GOPC: variants seen among roughly 807,000 people sequenced by gnomAD.
The protein encoded by GOPC is golgi associated PDZ and coiled-coil motif containing.
In GOPC, 32 loss-of-function variants were observed where a neutral mutation model predicts 51.2. The observed-to-expected ratio is 0.63, with a 90% CI of 0.47 to 0.84. The LOEUF is 0.84. Among genes scored for constraint, GOPC ranks in the 40% least tolerant of loss-of-function variants. The pLI is 0.00. For synonymous variants in GOPC, 190 were observed against 205.1 expected (o/e 0.93, Z 0.63); for missense variants, 441 against 555.5 (o/e 0.79, Z 2.07).
At chr6:117,581,078 A>G (rs567854045) in intron 1 of GOPC, among the ~76,000 whole-genome samples, 2 of 152,328 alleles carry the variant, frequency 1.3e-5, no homozygotes, top group South Asian at 4.1e-4. Context: ...TTTTGTGTCA[A>G]CCATGATATA....
chr6:117,594,132 T>C (rs915162226), intron 1 of GOPC, among the ~76,000 whole-genome samples: 1 of 152,226 alleles, frequency 6.6e-6, no homozygotes, highest in African/African-American at 2.4e-5. Context: ...TAAAGTCATG[T>C]AGAAATAGTC....
At chr6:117,598,485 C>T (rs996238346) in intron 1 of GOPC, among the ~76,000 whole-genome samples, 2 of 152,162 alleles carry the variant, frequency 1.3e-5, no homozygotes, top group Non-Finnish European at 2.9e-5. Flanking sequence ...CAGCGGTCAC[C>T]AATGTTTTTG....
intron 1 of GOPC, among the ~76,000 whole-genome samples, chr6:117,587,195 A>G (rs1780045342): frequency 6.6e-6 from 1 of 152,172 alleles, no homozygotes; most frequent in Admixed American, 6.5e-5. Flanking sequence ...TTTTCCATCC[A>G]ACCATAATGA....
chr6:117,563,533 A>G (rs1779630553), intron 8 of GOPC, 149 bp from the exon 9 acceptor site: 4 of 669,874 alleles, frequency 6.0e-6, no homozygotes, highest in Non-Finnish European at 1.0e-5. Flanking sequence ...ACCAGCCTGG[A>G]CAATGTGGTG....
chr6:117,584,762 A>C (rs1780006477), intron 1 of GOPC, among the ~76,000 whole-genome samples: 1 of 151,902 alleles, frequency 6.6e-6, no homozygotes, highest in Admixed American at 6.6e-5. Context: ...GTGAGAAGTG[A>C]CTGGATGGAT....
intron 8 of GOPC, among the ~76,000 whole-genome samples, chr6:117,565,748 T>C (rs1023807329): frequency 6.6e-6 from 1 of 152,210 alleles, no homozygotes; most frequent in Non-Finnish European, 1.5e-5. Context: ...ATATTATCAG[T>C]TGTCTTTCCT....
chr6:117,585,088 G>C (rs1297119897), intron 1 of GOPC, among the ~76,000 whole-genome samples: 1 of 152,092 alleles, frequency 6.6e-6, no homozygotes, highest in Non-Finnish European at 1.5e-5. Context: ...ATTAACATAA[G>C]AGGCATAACT....
chr6:117,593,596 C>G (rs1430724845), intron 1 of GOPC, among the ~76,000 whole-genome samples: 7 of 152,170 alleles, frequency 4.6e-5, no homozygotes, highest in African/African-American at 1.7e-4. Context: ...AGCTCCGTAG[C>G]CTCAGGCCTC....
chr6:117,602,270 A>G lies in GOPC; in HGVS notation c.19T>C (p.Cys7Arg), dbSNP rs772012953. The change falls in exon 1 of 9, where the codon TGC becomes CGC. Residue 7 changes from cysteine to arginine, a missense_variant. This residue lies in a region of GOPC where 204 missense variants were observed against 219.8 expected (regional missense o/e 0.93). Transcript: ENST00000368498. ...GGGCCCCCTCCGGCTGCTGCTGGGC[A>G]TGGACCGCCCGCCGACATGGCGCCG... is the stretch of plus-strand genomic sequence containing the variant. Reference protein sequence around the residue: MSAGGPCPAAAGGGPGG... With the variant: MSAGGPRPAAAGGGPGG... The G allele has an allele frequency of 1.3e-6, 2 of 1,592,390 alleles. No individual in the cohort carries two copies. Among genetic ancestry groups the G allele is most frequent in the East Asian group, 2.3e-5 (1 of 44,416 alleles).
chr6:117,584,655 T>A (rs1241697592), intron 1 of GOPC, among the ~76,000 whole-genome samples: 1 of 152,054 alleles, frequency 6.6e-6, no homozygotes, highest in Non-Finnish European at 1.5e-5. Flanking sequence ...TTTTAGGTTT[T>A]TATGGAGGCT....
rs1478698450 is a variant in GOPC, at chr6:117,579,019, C to T, written c.331G>A (p.Glu111Lys). The T allele has an allele frequency of 6.2e-7, 1 of 1,610,754 alleles. No individual in the cohort carries two copies. The highest frequency in any genetic ancestry group is 8.5e-7 in the Non-Finnish European group (1 of 1,178,692). ...ACTTCTTTCTCCAAAACAACTTTCT[C>T]TGCTTGGGTTTCTGTCAGTTCAGAT... is the stretch of plus-strand genomic sequence containing the variant. ...LKSELTETQAEKVVLEKEVHD... is the reference protein window; with the variant it reads ...LKSELTETQAKKVVLEKEVHD... The change falls in exon 2 of 9, where the codon GAG (glutamate) becomes AAG (lysine). Residue 111 changes from glutamate (E) to lysine (K), a missense_variant. By Grantham distance (56) the Glu-to-Lys change is moderately conservative. Coordinates refer to ENST00000368498, the MANE Select transcript of GOPC (RefSeq NM_020399.4).
intron 5 of GOPC, among the ~76,000 whole-genome samples, chr6:117,572,028 C>T (rs1304720969): frequency 2.0e-5 from 3 of 152,052 alleles, no homozygotes; most frequent in Admixed American, 6.6e-5. Context: ...TAATGAGTTC[C>T]AAGGTTTCAA....
At position 117,563,133 on chromosome 6, in the gene GOPC, C is replaced by CCCG; in HGVS notation, c.*118_*120dup. On this transcript the variant is annotated 3_prime_UTR_variant, in exon 9 of 9. Coordinates refer to ENST00000368498, the MANE Select transcript of GOPC (RefSeq NM_020399.4). ...ATTGTTCACATGAAGCCCTGAGGTA[C>CCCG]CCGCCTTTCATTTAGGCAACAAACA... 1 of 837,872 alleles carries CCCG rather than the reference C, an allele frequency of 1.2e-6. No homozygotes were observed. The highest frequency in any genetic ancestry group is 1.6e-5 in the South Asian group (1 of 60,992). The allele number at this position is 837,872 out of a possible 1,614,324, so 51.9% of individuals were successfully genotyped here.
chr6:117,575,270 T>C lies in GOPC; in HGVS notation c.557A>G (p.Asn186Ser). Residue 186 changes from asparagine to serine, a missense_variant, in exon 4 of 9, where the codon AAT becomes AGT. Physicochemically the swap from Asn to Ser is conservative, Grantham distance 46 (BLOSUM62 1). Coordinates refer to ENST00000368498, the MANE Select transcript of GOPC (RefSeq NM_020399.4). The stretch of plus-strand genomic sequence containing the variant: ...AGCTATATGTCTACGAAGGGCTTCA[T>C]TCTCTTTTCTCAACAATTTCACTTC... ...EAEVKLLRKE[N>S]EALRRHIAVL... 1 of 1,613,722 alleles carries C rather than the reference T, an allele frequency of 6.2e-7. No homozygotes were observed. The highest frequency in any genetic ancestry group is 1.6e-4 in the Middle Eastern group (1 of 6,062).
chr6:117,567,020 T>C lies in GOPC; in HGVS notation c.1092A>G (p.Glu364=). 4 of 1,587,166 alleles carry C rather than the reference T, an allele frequency of 2.5e-6. No homozygotes were observed. Among genetic ancestry groups the C allele is most frequent in the Admixed American group, 3.8e-5 (2 of 52,510 alleles). The change falls in exon 8 of 9, where the codon GAA becomes GAG. Residue 364 remains glutamate, a synonymous_variant. Transcript: ENST00000368498. The part of the protein sequence containing the change: ...TILSQQRGEI[E]FEVVYVAPEV... Reference sequence around the variant, plus strand: ...CAGGAGCCACATAAACTACTTCAAATTCAATCTCTCCTCTCTAAAACAGGA... The same window carrying C: ...CAGGAGCCACATAAACTACTTCAAACTCAATCTCTCCTCTCTAAAACAGGA...
chr6:117,569,941 T>TA (rs1562139325), intron 6 of GOPC: 21 of 487,600 alleles, frequency 4.3e-5, no homozygotes, highest in Admixed American at 9.1e-5. Context: ...ATTCTTAAAT[T>TA]AAAAAAAACT....
At chr6:117,590,141 T>A (rs1202278689) in intron 1 of GOPC, among the ~76,000 whole-genome samples, 2 of 152,224 alleles carry the variant, frequency 1.3e-5, no homozygotes, top group Non-Finnish European at 2.9e-5. Flanking sequence ...TTTGAAGATT[T>A]ATAGCAGAAC....
At chr6:117,578,384 C>T (rs1461179256) in intron 2 of GOPC, among the ~76,000 whole-genome samples, 1 of 152,010 alleles carries the variant, frequency 6.6e-6, no homozygotes, top group Non-Finnish European at 1.5e-5. Context: ...TTCTTCCTGC[C>T]TGAAATGCAG....
intron 1 of GOPC, among the ~76,000 whole-genome samples, chr6:117,586,579 C>G (rs1041219122): frequency 6.9e-6 from 1 of 145,638 alleles, no homozygotes; most frequent in African/African-American, 2.5e-5. Context: ...CTCCCAGGTT[C>G]ACGCCATTCT....
Sources: allele counts gnomAD v4.1 joint callset (sites outside exome capture counted in the v4.1 genomes callset), GRCh38; gene constraint gnomAD v4.1.1; regional missense constraint gnomAD v4.1.1; transcripts MANE v1.5; gene names NCBI Gene and HGNC (gene_info 2026-07-23, HGNC 2026-07-21).